ADGRV1: variants seen among roughly 807,000 people sequenced by gnomAD.
ADGRV1 encodes the protein G-protein coupled receptor 98.
A neutral mutation model predicts 596.2 loss-of-function variants in ADGRV1; 359 were observed. That is an observed-to-expected ratio of 0.60 (90% CI 0.55 to 0.66). ADGRV1 has a LOEUF of 0.66. ADGRV1 is among the 30% of genes least tolerant of loss of function. ADGRV1 has a pLI of 0.00. For synonymous variants in ADGRV1, 2,681 were observed against 2,679.2 expected (o/e 1.00, Z -0.02); for missense variants, 7,274 against 7,575.6 (o/e 0.96, Z 1.48).
intron 85 of ADGRV1, among the ~76,000 whole-genome samples, chr5:91,062,152 C>A (rs1173835477): frequency 6.6e-6 from 1 of 152,178 alleles, no homozygotes; most frequent in Middle Eastern, 3.2e-3. Context: ...CCCTCTTCTT[C>A]TTCTCTCCCC....
At position 90,627,629 on chromosome 5, in the gene ADGRV1, A is replaced by G. The variant is rs769627793; in HGVS notation, c.1091A>G (p.Lys364Arg). Residue 364 changes from lysine (K) to arginine (R), a missense_variant, in exon 7 of 90, where the codon AAA (lysine) becomes AGA (arginine). Lys to Arg is a conservative substitution (Grantham distance 26). Coordinates refer to ENST00000405460, the MANE Select transcript of ADGRV1 (RefSeq NM_032119.4). ...IAESFHIMLL[K>R]DTLQGDAVLI... Reference sequence around the variant, plus strand: ...GAATCGTTTCACATTATGTTACTAAAAGATACCTTACAGGGAGATGCTGTG... The same window carrying G: ...GAATCGTTTCACATTATGTTACTAAGAGATACCTTACAGGGAGATGCTGTG... 1 of 1,613,922 alleles carries G rather than the reference A, an allele frequency of 6.2e-7. No individual in the cohort carries two copies. The highest frequency in any genetic ancestry group is 1.7e-5 in the Admixed American group (1 of 60,008).
chr5:90,642,741 C>T lies in ADGRV1; in HGVS notation c.2346C>T (p.Ser782=), dbSNP rs763097636. The change falls in exon 12 of 90, where the codon TCC becomes TCT. Residue 782 remains serine (S), a synonymous_variant. Transcript: ENST00000405460. Reference sequence around the variant, plus strand: ...GAGTTTTTGAATTTTCTCCTGCTTCCAGAGGACCCTATGTTATAAAAGTAA... The same window carrying T: ...GAGTTTTTGAATTTTCTCCTGCTTCTAGAGGACCCTATGTTATAAAAGTAA... ...PGGVFEFSPA[S]RGPYVIKEGE... 6.2e-7 allele frequency: 1 copy of T among 1,613,388 alleles called. No individual in the cohort carries two copies. The highest frequency in any genetic ancestry group is 8.5e-7 in the Non-Finnish European group (1 of 1,179,528).
chr5:90,588,219 A>C (rs886212649), intron 1 of ADGRV1, among the ~76,000 whole-genome samples: 4 of 152,240 alleles, frequency 2.6e-5, no homozygotes, highest in African/African-American at 9.6e-5. Flanking sequence ...GGTGACTTAA[A>C]ACCTAGTAGA....
chr5:90,859,601 AT>A, intron 82 of ADGRV1, among the ~76,000 whole-genome samples: 1 of 151,916 alleles, frequency 6.6e-6, no homozygotes. Context: ...AATTTAAAAA[AT>A]TATTTTAAAA....
At chr5:91,119,675 A>G (rs913149876) in intron 87 of ADGRV1, among the ~76,000 whole-genome samples, 1 of 152,214 alleles carries the variant, frequency 6.6e-6, no homozygotes, top group African/African-American at 2.4e-5. Flanking sequence ...CATATTTATC[A>G]ACTTTGTAGC....
chr5:90,986,456 G>C (rs1387426570), intron 85 of ADGRV1, among the ~76,000 whole-genome samples: 1 of 151,952 alleles, frequency 6.6e-6, no homozygotes, highest in African/African-American at 2.4e-5. Context: ...ATAAATACTT[G>C]TTATTGATGT....
chr5:91,028,436 C>T (rs771887438), intron 85 of ADGRV1, among the ~76,000 whole-genome samples: 5 of 152,068 alleles, frequency 3.3e-5, no homozygotes, highest in Non-Finnish European at 7.4e-5. Context: ...CACTTCAGGC[C>T]GACTTTGATA....
intron 59 of ADGRV1, among the ~76,000 whole-genome samples, chr5:90,770,086 T>TCAAGACTG (rs1388157444): frequency 3.3e-5 from 5 of 152,120 alleles, no homozygotes; most frequent in Non-Finnish European, 7.3e-5. Context: ...AAAGACATAC[T>TCAAGACTG]CAAGACTGGG....
rs1768200970 is a variant in ADGRV1, at chr5:90,648,961, C to G, written c.3289+1197C>G. 3.3e-5 allele frequency among the ~76,000 whole-genome samples: 5 copies of G among 152,174 alleles called. No individual in the cohort carries two copies. In the South Asian group the frequency reaches 1.0e-3, roughly 32 times the overall value. Reference sequence around the variant, plus strand: ...ATTTTAGTGAAGTAAAAGTGGAAAACAAAGTTTTACTGTGAAATACAGAAA... The same window carrying G: ...ATTTTAGTGAAGTAAAAGTGGAAAAGAAAGTTTTACTGTGAAATACAGAAA... On this transcript the variant is annotated intron_variant, in intron 17 of 89. Transcript: ENST00000405460.
rs144918959 is a variant in ADGRV1 at position 90,642,947 on chromosome 5, A to G, written c.2459A>G (p.Asn820Ser). Residue 820 changes from asparagine (N) to serine (S), a missense_variant, in exon 13 of 90, where the codon AAT becomes AGT. By Grantham distance (46) the Asn-to-Ser change is conservative. This residue lies in a region of ADGRV1 where 1,715 missense variants were observed against 1,708.8 expected (regional missense o/e 1.00). Coordinates refer to ENST00000405460, the MANE Select transcript of ADGRV1 (RefSeq NM_032119.4). Reference protein sequence around the residue: ...LHYRVEPRDSNEFYGNTGVLE... With the variant: ...LHYRVEPRDSSEFYGNTGVLE... ...TACCGAGTAGAGCCAAGAGATAGCA[A>G]TGAATTCTATGGAAACACGGGAGTA... 208 of 1,613,628 alleles carry G rather than the reference A, an allele frequency of 1.3e-4. 1 individual carries two copies. In the African/African-American group the frequency reaches 2.2e-3, roughly 17 times the overall value.
chr5:90,799,848 A>G (rs1021352038), intron 70 of ADGRV1, among the ~76,000 whole-genome samples: 7 of 152,208 alleles, frequency 4.6e-5, no homozygotes, highest in African/African-American at 7.2e-5. Flanking sequence ...TATTTAATCA[A>G]TGCTGTTGGG....
chr5:90,707,923 A>G (rs2149703263), intron 38 of ADGRV1, among the ~76,000 whole-genome samples: 1 of 152,204 alleles, frequency 6.6e-6, no homozygotes, highest in African/African-American at 2.4e-5. Flanking sequence ...GGTGGGGGAC[A>G]TTAAGAGTAG....
At chr5:90,779,909 A>G (rs528754001) in intron 64 of ADGRV1, 1 of 152,296 alleles carries the variant, frequency 6.6e-6, no homozygotes, top group East Asian at 1.9e-4. Context: ...TTTAAACTAA[A>G]ATATGTTACT....
intron 85 of ADGRV1, among the ~76,000 whole-genome samples, chr5:91,042,953 GAACA>G (rs1460592144): frequency 6.6e-6 from 1 of 151,752 alleles, no homozygotes; most frequent in Non-Finnish European, 1.5e-5. Context: ...CTTCACAAGA[GAACA>G]AACAAGCTAT....
At chr5:90,670,152 A>G (rs1476233531) in intron 21 of ADGRV1, among the ~76,000 whole-genome samples, 5 of 152,300 alleles carry the variant, frequency 3.3e-5, no homozygotes, top group African/African-American at 1.2e-4. Context: ...TATTTCATAG[A>G]CACTTCAAAC....
At chr5:90,817,047 A>AT (rs1762968053) in intron 75 of ADGRV1, among the ~76,000 whole-genome samples, 1 of 152,090 alleles carries the variant, frequency 6.6e-6, no homozygotes, top group African/African-American at 2.4e-5. Context: ...AAGTGTTCCT[A>AT]TTTCTCCACA....
chr5:90,973,229 A>C (rs954270283), intron 84 of ADGRV1, among the ~76,000 whole-genome samples: 13 of 152,180 alleles, frequency 8.5e-5, no homozygotes, highest in African/African-American at 3.1e-4. Flanking sequence ...CAACCAAAAA[A>C]AGTCCAGGAC....
intron 85 of ADGRV1, among the ~76,000 whole-genome samples, chr5:91,018,297 G>A (rs1783342102): frequency 6.6e-6 from 1 of 151,942 alleles, no homozygotes; most frequent in African/African-American, 2.4e-5. Context: ...AGACAGCTCA[G>A]CTCCAGATGA....
intron 85 of ADGRV1, among the ~76,000 whole-genome samples, chr5:91,071,538 T>C (rs1035402683): frequency 2.0e-5 from 3 of 152,172 alleles, no homozygotes; most frequent in African/African-American, 4.8e-5. Context: ...GAGAAGGGTT[T>C]AATTTTCGTT....
Sources: allele counts gnomAD v4.1 joint callset (sites outside exome capture counted in the v4.1 genomes callset), GRCh38; gene constraint gnomAD v4.1.1; regional missense constraint gnomAD v4.1.1; transcripts MANE v1.5; gene names NCBI Gene and HGNC (gene_info 2026-07-23, HGNC 2026-07-21).